Variants in ERGIC1 observed in about 807,000 individuals in gnomAD.
ERGIC1 encodes endoplasmic reticulum-golgi intermediate compartment 1.
In ERGIC1, 19 loss-of-function variants were observed where a neutral mutation model predicts 38.3. That is an observed-to-expected ratio of 0.50 (90% CI 0.35 to 0.73). The LOEUF (loss-of-function observed/expected upper bound fraction) is 0.73, where lower values mean the gene tolerates loss of function less well. Ranked by LOEUF, ERGIC1 falls within the 30% of genes least tolerant of loss-of-function variation. The pLI, the probability that ERGIC1 is intolerant of heterozygous loss-of-function variation, is 0.01. For synonymous variants in ERGIC1, 124 were observed against 157.6 expected (o/e 0.79, Z 1.60); for missense variants, 294 against 389.2 (o/e 0.76, Z 2.06).
intron 5 of ERGIC1, chr5:172,916,270 T>C (rs1313555134): frequency 6.6e-6 from 1 of 152,026 alleles, no homozygotes; most frequent in Non-Finnish European, 1.5e-5. Context: ...TTAAAGGGAG[T>C]CTCTCACCAG....
chr5:172,844,102 G>T (rs1013212211), intron 1 of ERGIC1, among the ~76,000 whole-genome samples: 3 of 152,180 alleles, frequency 2.0e-5, no homozygotes, highest in Non-Finnish European at 4.4e-5. Context: ...AATCACATGG[G>T]AACACCTGAG....
intron 7 of ERGIC1, among the ~76,000 whole-genome samples, chr5:172,928,429 G>C (rs575614817): frequency 1.9e-4 from 29 of 152,280 alleles, no homozygotes; most frequent in African/African-American, 6.7e-4. Context: ...GTTGTTTCTT[G>C]GCATTAAGGT....
intron 4 of ERGIC1, among the ~76,000 whole-genome samples, chr5:172,914,246 A>ATAAAT (rs1377534467): frequency 3.3e-5 from 4 of 120,970 alleles, no homozygotes; most frequent in East Asian, 2.0e-4. Flanking sequence ...AAAAAAAAAA[A>ATAAAT]AAAAAAAAAA....
At chr5:172,933,360 G>A (rs537079216) in intron 8 of ERGIC1, 1 of 152,320 alleles carries the variant, frequency 6.6e-6, no homozygotes, top group Admixed American at 6.5e-5. Context: ...GACATGCTAA[G>A]CTCTCTTCTT....
intron 1 of ERGIC1, among the ~76,000 whole-genome samples, chr5:172,885,723 C>G (rs897405791): frequency 2.6e-5 from 4 of 152,054 alleles, no homozygotes; most frequent in Non-Finnish European, 4.4e-5. Flanking sequence ...GCTCATTTCT[C>G]CAGTCTTAGG....
In ERGIC1 at chr5:172,837,963, C is replaced by CT. The variant is rs1446273899; in HGVS notation, c.20+3531dup. Among the ~76,000 whole-genome samples the CT allele has an allele frequency of 1.3e-5, 2 of 152,180 alleles. No individual in the cohort carries two copies. The highest frequency in any genetic ancestry group is 2.9e-5 in the Non-Finnish European group (2 of 68,026). ...GCCCTGTGCCCAGGCCCAGTGGTGC[C>CT]TGAGCACTGCCTTCCGGGAGGTGCA... On this transcript the variant is annotated intron_variant, in intron 1 of 9. Coordinates refer to ENST00000393784, the MANE Select transcript of ERGIC1 (RefSeq NM_001031711.3). This position sits in a 1 kb window ranked among gnomAD's most constrained non-coding sequence, Gnocchi z 4.3.
chr5:172,855,011 ACTCACACAG>A (rs1761509573), intron 1 of ERGIC1, among the ~76,000 whole-genome samples: 1 of 152,104 alleles, frequency 6.6e-6, no homozygotes, highest in Non-Finnish European at 1.5e-5. Flanking sequence ...GCCACCTGGG[ACTCACACAG>A]GTTTTTAGCT....
chr5:172,937,706 T>C (rs984246908), intron 9 of ERGIC1: 3 of 151,248 alleles, frequency 2.0e-5, no homozygotes, highest in African/African-American at 7.3e-5. Context: ...TTGAATCCTA[T>C]TGGACTGACA....
intron 3 of ERGIC1, among the ~76,000 whole-genome samples, chr5:172,909,076 G>A (rs1197446520): frequency 6.6e-6 from 1 of 151,398 alleles, no homozygotes; most frequent in Non-Finnish European, 1.5e-5. Context: ...GCCAGAACCA[G>A]AATTTGAACT....
At chr5:172,901,327 G>A (rs756513315) in intron 3 of ERGIC1, among the ~76,000 whole-genome samples, 1 of 152,110 alleles carries the variant, frequency 6.6e-6, no homozygotes, top group African/African-American at 2.4e-5. Flanking sequence ...TGGGAAAGAG[G>A]CCCCACAGAG....
intron 3 of ERGIC1, among the ~76,000 whole-genome samples, chr5:172,900,118 T>A (rs1561725116): frequency 6.6e-6 from 1 of 151,964 alleles, no homozygotes; most frequent in Non-Finnish European, 1.5e-5. Context: ...CCACATGAGG[T>A]GGGGCACTGA....
intron 7 of ERGIC1, among the ~76,000 whole-genome samples, chr5:172,929,818 G>A (rs1048839142): frequency 8.5e-5 from 13 of 152,124 alleles, no homozygotes; most frequent in African/African-American, 3.1e-4. Context: ...TGGGGATAGA[G>A]AGATGAATAA....
intron 1 of ERGIC1, among the ~76,000 whole-genome samples, chr5:172,879,797 C>T (rs1367084851): frequency 6.6e-6 from 1 of 152,188 alleles, no homozygotes; most frequent in Non-Finnish European, 1.5e-5. Context: ...GCTTCCCAGC[C>T]TCAACCCTAT....
chr5:172,884,706 A>G (rs1231391267), intron 1 of ERGIC1, among the ~76,000 whole-genome samples: 1 of 152,204 alleles, frequency 6.6e-6, no homozygotes, highest in Non-Finnish European at 1.5e-5. Context: ...TAAGTAGAGA[A>G]TAGTGATTAG....
At chr5:172,932,620 C>A in intron 8 of ERGIC1, 84 bp downstream of exon 8, 1 of 1,362,672 alleles carries the variant, frequency 7.3e-7, no homozygotes, top group East Asian at 2.4e-5. Flanking sequence ...GCTGCACCGA[C>A]GCACTTTCTT....
chr5:172,934,433 T>G (rs1763842745), intron 8 of ERGIC1: 1 of 152,888 alleles, frequency 6.5e-6, no homozygotes, highest in East Asian at 1.9e-4. Flanking sequence ...TAGTCCCTGC[T>G]GTGTGCATTC....
intron 1 of ERGIC1, among the ~76,000 whole-genome samples, chr5:172,873,155 C>T (rs934718264): frequency 1.3e-5 from 2 of 152,240 alleles, no homozygotes; most frequent in South Asian, 2.1e-4. Flanking sequence ...TGAAAAACCC[C>T]GCTCATGCTC....
chr5:172,884,258 T>TTG (rs1762361875), intron 1 of ERGIC1, among the ~76,000 whole-genome samples: 1 of 147,326 alleles, frequency 6.8e-6, no homozygotes, highest in East Asian at 1.9e-4. Context: ...TTTTTTTTTT[T>TTG]TTTTTTTTTT....
chr5:172,866,748 G>A (rs770342105), intron 1 of ERGIC1, among the ~76,000 whole-genome samples: 3 of 152,212 alleles, frequency 2.0e-5, no homozygotes, highest in Admixed American at 6.5e-5. Flanking sequence ...CTCACCACCT[G>A]TATACTCTCC....
Sources: allele counts gnomAD v4.1 joint callset (sites outside exome capture counted in the v4.1 genomes callset), GRCh38; gene constraint gnomAD v4.1.1; non-coding constraint Gnocchi (gnomAD v3.1); transcripts MANE v1.5; gene names NCBI Gene and HGNC (gene_info 2026-07-23, HGNC 2026-07-21).